Variants in NFIB observed in about 807,000 individuals in gnomAD.
NFIB encodes the protein nuclear factor I B, also known as nuclear factor 1 B-type.
A neutral mutation model predicts 61.5 loss-of-function variants in NFIB; 11 were observed. The ratio of observed to expected loss-of-function variants is 0.18; its 90% CI spans 0.11 to 0.30. NFIB has a LOEUF of 0.30. Ranked by LOEUF, NFIB falls within the 10% of genes least tolerant of loss-of-function variation. NFIB has a pLI of 1.00. For synonymous variants in NFIB, 260 were observed against 216.5 expected, an observed-to-expected ratio of 1.20 and a Z score of -1.76; for missense variants, 471 against 608.9, an observed-to-expected ratio of 0.77 and a Z score of 2.38.
chr9:14,427,879 A>T, the NFIB span, among the ~76,000 whole-genome samples: 1 of 142,346 alleles, frequency 7.0e-6, no homozygotes, highest in African/African-American at 2.6e-5. Flanking sequence ...AGTCTCTAAA[A>T]TTCCCCTGCC....
chr9:14,223,912 C>T (rs1032268996), intron 2 of NFIB, among the ~76,000 whole-genome samples: 1 of 152,170 alleles, frequency 6.6e-6, no homozygotes, highest in Non-Finnish European at 1.5e-5. Flanking sequence ...CCCTAACCGC[C>T]CACTACACTC....
chr9:14,237,852 T>TGTGTGTGTGTGTGTGTGC (rs1168564069), intron 2 of NFIB, among the ~76,000 whole-genome samples: 13 of 125,620 alleles, frequency 1.0e-4, no homozygotes, highest in Non-Finnish European at 2.3e-4. Context: ...AGTGTGTGTG[T>TGTGTGTGTGTGTGTGTGC]GTGTGTGTGT....
chr9:14,151,927 A>G (rs112386936), intron 4 of NFIB, among the ~76,000 whole-genome samples: 3,552 of 152,106 alleles, frequency 0.023, 88 homozygotes, highest in African/African-American at 0.066. Flanking sequence ...TAAAATTCCA[A>G]AGGGATTGCA....
At chr9:14,228,592 C>G (rs2052737755) in intron 2 of NFIB, among the ~76,000 whole-genome samples, 1 of 152,170 alleles carries the variant, frequency 6.6e-6, no homozygotes, top group Admixed American at 6.5e-5. Flanking sequence ...TTTAATTGTT[C>G]ATTTAATTTA....
At chr9:14,450,017 T>C in the NFIB span, among the ~76,000 whole-genome samples, 11 of 152,260 alleles carry the variant, frequency 7.2e-5, no homozygotes, top group Admixed American at 2.0e-4. Context: ...ATGTTCACAA[T>C]GTGCAGGTTT....
intron 1 of NFIB, chr9:14,362,161 A>G (rs1450407146): frequency 1.3e-5 from 2 of 152,188 alleles, no homozygotes; most frequent in African/African-American, 2.4e-5. Context: ...TGTCTTTTTA[A>G]AAAAGAAAAA....
intron 2 of NFIB, among the ~76,000 whole-genome samples, chr9:14,193,697 C>T (rs967075131): frequency 2.6e-5 from 4 of 152,152 alleles, no homozygotes; most frequent in South Asian, 2.1e-4. Context: ...TATGTTCATA[C>T]GCACAGGGAT....
At chr9:14,346,780 AG>A (rs984113249) in intron 1 of NFIB, among the ~76,000 whole-genome samples, 1 of 152,154 alleles carries the variant, frequency 6.6e-6, no homozygotes, top group Non-Finnish European at 1.5e-5. Flanking sequence ...TAGAACCTTG[AG>A]GGGGGGATCT....
At chr9:14,433,632 A>C in the NFIB span, among the ~76,000 whole-genome samples, 30 of 152,324 alleles carry the variant, frequency 2.0e-4, no homozygotes, top group Admixed American at 1.4e-3. Flanking sequence ...AAAAGCAAGC[A>C]GACTTGACGA....
chr9:14,306,981 G>A lies in NFIB; in HGVS notation c.562+8C>T. The A allele has an allele frequency of 6.2e-7, 1 of 1,613,320 alleles. No homozygotes were observed. The highest frequency in any genetic ancestry group is 8.5e-7 in the Non-Finnish European group (1 of 1,179,378). ...GCCGTGCTAGAAAAAAGAACAATCT[G>A]CTCCTACCTTGCTCCTGCACGTAGT... On this transcript the variant is annotated splice_region_variant and intron_variant, in intron 2 of 10. Transcript: ENST00000380953.
At chr9:14,228,471 C>A (rs900332545) in intron 2 of NFIB, among the ~76,000 whole-genome samples, 1 of 152,128 alleles carries the variant, frequency 6.6e-6, no homozygotes, top group African/African-American at 2.4e-5. Flanking sequence ...CTCCCAGAAC[C>A]GCATCCGGCC....
Position 14,082,669 on chromosome 9 carries a change from T to G in NFIB, c.*5640A>C, listed in dbSNP as rs905438389. 8 of 101,536 alleles carry G rather than the reference T, an allele frequency of 7.9e-5. No individual in the cohort carries two copies. The highest frequency in any genetic ancestry group is 1.0e-4 in the Non-Finnish European group (5 of 49,944). The allele number at this position is 101,536 out of a possible 1,614,324, so 6.3% of individuals were successfully genotyped here. ...AGTTTTTTGGTAAACATTTTGCTGG[T>G]TTTTTTTTTTTGTTTGTTTCTTTCT... On this transcript the variant is annotated 3_prime_UTR_variant, in exon 11 of 11. Coordinates refer to ENST00000380953, the MANE Select transcript of NFIB (RefSeq NM_001190737.2).
At chr9:14,186,601 G>A (rs1288686515) in intron 2 of NFIB, among the ~76,000 whole-genome samples, 2 of 151,666 alleles carry the variant, frequency 1.3e-5, no homozygotes, top group Non-Finnish European at 2.9e-5. Flanking sequence ...GGGTAATGGA[G>A]AGCAAACTAT....
the NFIB span, among the ~76,000 whole-genome samples, chr9:14,465,532 G>A: frequency 4.0e-5 from 6 of 151,292 alleles, no homozygotes; most frequent in African/African-American, 1.2e-4. Context: ...TGTTGTCACC[G>A]TCAACCAAAG....
At chr9:14,272,330 G>C (rs2057686238) in intron 2 of NFIB, among the ~76,000 whole-genome samples, 1 of 151,948 alleles carries the variant, frequency 6.6e-6, no homozygotes, top group Admixed American at 6.6e-5. Context: ...ATTTTAAATA[G>C]AACATGACTT....
chr9:14,102,047 C>A (rs1003928109), intron 10 of NFIB, among the ~76,000 whole-genome samples: 1 of 152,008 alleles, frequency 6.6e-6, no homozygotes, highest in African/African-American at 2.4e-5. Flanking sequence ...ATAAGAAAAA[C>A]CTACAATGTG....
chr9:14,407,063 G>T, the NFIB span, among the ~76,000 whole-genome samples: 1 of 152,024 alleles, frequency 6.6e-6, no homozygotes, highest in East Asian at 1.9e-4. Flanking sequence ...GGCCCTCTTG[G>T]CAACCCTGTG....
the NFIB span, among the ~76,000 whole-genome samples, chr9:14,405,638 A>C: frequency 2.0e-5 from 3 of 152,252 alleles, no homozygotes; most frequent in Non-Finnish European, 4.4e-5. Context: ...AACTCAGGCA[A>C]GGATTGGCTT....
chr9:14,140,018 A>T (rs1438826896), intron 6 of NFIB, among the ~76,000 whole-genome samples: 1 of 152,190 alleles, frequency 6.6e-6, no homozygotes, highest in Non-Finnish European at 1.5e-5. Context: ...CTTGAACATC[A>T]AATTCAAACC....
Sources: allele counts gnomAD v4.1 joint callset (sites outside exome capture counted in the v4.1 genomes callset), GRCh38; gene constraint gnomAD v4.1.1; transcripts MANE v1.5; gene names NCBI Gene and HGNC (gene_info 2026-07-23, HGNC 2026-07-21).